AUTS2: variants seen among roughly 807,000 people sequenced by gnomAD.
The protein encoded by AUTS2 is activator of transcription and developmental regulator AUTS2, also known as autism susceptibility gene 2 protein.
A neutral mutation model predicts 112.4 loss-of-function variants in AUTS2; 17 were observed. The observed-to-expected ratio is 0.15, with a 90% CI of 0.10 to 0.23. AUTS2 has a LOEUF of 0.23. Ranked by LOEUF, AUTS2 falls within the 10% of genes least tolerant of loss-of-function variation. AUTS2 has a pLI of 1.00. For synonymous variants in AUTS2, 751 were observed against 702.7 expected (o/e 1.07, Z -1.09); for missense variants, 1,510 against 1,701.6 (o/e 0.89, Z 1.98).
chr7:70,547,367 G>A (rs2129516783), intron 5 of AUTS2, among the ~76,000 whole-genome samples: 1 of 152,272 alleles, frequency 6.6e-6, no homozygotes, highest in South Asian at 2.1e-4. Flanking sequence ...CGATTCTCCT[G>A]TTTCAGCCTT....
At chr7:70,124,835 G>A (rs1281579225) in intron 3 of AUTS2, among the ~76,000 whole-genome samples, 6 of 152,108 alleles carry the variant, frequency 3.9e-5, no homozygotes, top group Non-Finnish European at 5.9e-5. Flanking sequence ...TGCTAGGATT[G>A]CAGGCGTGAG....
chr7:70,100,745 G>A (rs1195369022), intron 2 of AUTS2, among the ~76,000 whole-genome samples: 2 of 151,994 alleles, frequency 1.3e-5, no homozygotes, highest in Non-Finnish European at 2.9e-5. Flanking sequence ...AATGACATTG[G>A]GCCAAAGGTC....
chr7:70,222,517 A>G (rs1270069027), intron 4 of AUTS2, among the ~76,000 whole-genome samples: 1 of 152,132 alleles, frequency 6.6e-6, no homozygotes, highest in Admixed American at 6.5e-5. Context: ...TTAAAAAGTG[A>G]TATTTTTCCT....
At chr7:70,583,484 A>G (rs1802542437) in intron 5 of AUTS2, among the ~76,000 whole-genome samples, 1 of 152,224 alleles carries the variant, frequency 6.6e-6, no homozygotes, top group Non-Finnish European at 1.5e-5. Flanking sequence ...TTTTCTAAGT[A>G]GCCAGTCGTT....
Position 70,789,741 on chromosome 7 carries a change from C to A in AUTS2, c.2532-7C>A, listed in dbSNP as rs752669458. On this transcript the variant is annotated splice_polypyrimidine_tract_variant and splice_region_variant and intron_variant, in intron 18 of 18. Coordinates refer to ENST00000342771, the MANE Select transcript of AUTS2 (RefSeq NM_015570.4). ...TCTGCGTCCTTGTCTTCCCCTCTCT[C>A]CCCCAGGGAAAGCGTCGAGAAGAGA... 2 of 1,608,288 alleles carry A rather than the reference C, an allele frequency of 1.2e-6. No homozygotes were observed. Among genetic ancestry groups the A allele is most frequent in the Admixed American group, 1.7e-5 (1 of 59,484 alleles).
At position 69,724,128 on chromosome 7, in the gene AUTS2, A is replaced by G. The variant is rs556215915; in HGVS notation, c.309+124166A>G. ...CACCGAACTGGGAGAGAGTCAGACT[A>G]CCTCGGGTGTGACCTTTGCCCTGTC... On this transcript the variant is annotated intron_variant, in intron 1 of 18. Transcript: ENST00000342771. 1.5e-4 allele frequency among the ~76,000 whole-genome samples: 23 copies of G among 152,224 alleles called. No individual in the cohort carries two copies. In the East Asian group the frequency reaches 2.7e-3, roughly 18 times the overall value.
intron 1 of AUTS2, among the ~76,000 whole-genome samples, chr7:69,704,872 T>C (rs1797993347): frequency 6.6e-6 from 1 of 152,186 alleles, no homozygotes; most frequent in African/African-American, 2.4e-5. Flanking sequence ...GTTTTCTTTC[T>C]TTTTTTCTTT....
intron 1 of AUTS2, among the ~76,000 whole-genome samples, chr7:69,672,590 A>G (rs764869533): frequency 1.1e-4 from 17 of 152,210 alleles, no homozygotes; most frequent in Non-Finnish European, 2.5e-4. Context: ...AGCCAAGGAC[A>G]ATTTTTAGAA....
intron 1 of AUTS2, among the ~76,000 whole-genome samples, chr7:69,664,675 T>C (rs531500865): frequency 6.6e-6 from 1 of 152,334 alleles, no homozygotes; most frequent in East Asian, 1.9e-4. Flanking sequence ...GCAAATTCTA[T>C]ACACAAGCAT....
chr7:70,591,475 C>T (rs1170787022), intron 5 of AUTS2, among the ~76,000 whole-genome samples: 3 of 152,062 alleles, frequency 2.0e-5, no homozygotes, highest in Non-Finnish European at 4.4e-5. Context: ...CTCAGCTCAC[C>T]GCAACCTCCA....
intron 5 of AUTS2, among the ~76,000 whole-genome samples, chr7:70,571,660 T>C (rs1801946356): frequency 6.6e-6 from 1 of 152,224 alleles, no homozygotes; most frequent in South Asian, 2.1e-4. Flanking sequence ...GGGCTTCCAC[T>C]TCTCAGCTTC....
Position 70,790,941 on chromosome 7 carries a change from C to T in AUTS2, c.3725C>T (p.Ala1242Val). The T allele has an allele frequency of 1.3e-6, 2 of 1,538,894 alleles. No homozygotes were observed. Among genetic ancestry groups the T allele is most frequent in the Non-Finnish European group, 1.7e-6 (2 of 1,144,228 alleles). ...CCCAGAAGGACGACTCCTCTGTCCG[C>T]AGAGATAAGGGAGAGGCCCCCTTCC... is the stretch of plus-strand genomic sequence containing the variant. ...VSPRRTTPLS[A>V]EIRERPPSHT... Residue 1242 changes from alanine (A) to valine (V), a missense_variant, in exon 19 of 19, where the codon GCA becomes GTA. Ala to Val is a moderately conservative substitution (Grantham distance 64, BLOSUM62 0). Transcript: ENST00000342771. The surrounding 1 kb of genome is among the most constrained non-coding windows in gnomAD (Gnocchi z 7.6).
intron 2 of AUTS2, among the ~76,000 whole-genome samples, chr7:70,086,893 T>C (rs1213799764): frequency 6.6e-6 from 1 of 152,028 alleles, no homozygotes; most frequent in East Asian, 1.9e-4. Context: ...ATTGTATATA[T>C]AGTTGATAAT....
At chr7:69,712,066 T>C (rs1298027344) in intron 1 of AUTS2, among the ~76,000 whole-genome samples, 1 of 152,160 alleles carries the variant, frequency 6.6e-6, no homozygotes, top group African/African-American at 2.4e-5. Flanking sequence ...TAATACTCCT[T>C]CTTTGTGCTC....
At chr7:70,325,300 A>AG (rs1790437219) in intron 4 of AUTS2, among the ~76,000 whole-genome samples, 4 of 152,202 alleles carry the variant, frequency 2.6e-5, no homozygotes, top group Admixed American at 2.6e-4. Flanking sequence ...CTCCAGCCGG[A>AG]GTGACAGAGC....
chr7:69,907,754 A>T (rs1319242892), intron 2 of AUTS2, among the ~76,000 whole-genome samples: 1 of 152,226 alleles, frequency 6.6e-6, no homozygotes, highest in Non-Finnish European at 1.5e-5. Flanking sequence ...TTCATATGAT[A>T]CAACTCTGTT....
At chr7:69,728,283 G>A (rs911529764) in intron 1 of AUTS2, among the ~76,000 whole-genome samples, 5 of 152,142 alleles carry the variant, frequency 3.3e-5, no homozygotes, top group Non-Finnish European at 7.4e-5. Flanking sequence ...GATTATTCAG[G>A]GTATTCCCAC....
At chr7:70,299,476 C>T (rs1562861806) in intron 4 of AUTS2, among the ~76,000 whole-genome samples, 1 of 152,196 alleles carries the variant, frequency 6.6e-6, no homozygotes. Context: ...CTTACGGTTT[C>T]TCCTCTCTCA....
chr7:69,823,248 C>G (rs1791081155), intron 1 of AUTS2, among the ~76,000 whole-genome samples: 2 of 152,214 alleles, frequency 1.3e-5, no homozygotes. Flanking sequence ...CTGCCTTCTC[C>G]TGAGTGGAAG....
Sources: gnomAD v4.1 joint callset for allele counts (sites outside exome capture counted in the v4.1 genomes callset) on GRCh38, gnomAD v4.1.1 for gene constraint, Gnocchi (gnomAD v3.1) non-coding constraint, MANE v1.5 for transcripts, NCBI Gene and HGNC (gene_info 2026-07-23, HGNC 2026-07-21) for gene names.